The following AGO4 variants were observed in gnomAD, a reference collection of about 807,000 sequenced individuals.
AGO4 encodes the protein protein argonaute-4.
Under a neutral mutation model 104.7 loss-of-function variants are expected in AGO4, and 33 were observed. The ratio of observed to expected loss-of-function variants is 0.32; its 90% CI spans 0.24 to 0.42. The LOEUF (loss-of-function observed/expected upper bound fraction) is 0.42, where lower values mean the gene tolerates loss of function less well. Ranked by LOEUF, AGO4 falls within the 10% of genes least tolerant of loss-of-function variation. The pLI is 1.00. For synonymous variants in AGO4, 331 were observed against 364.7 expected (o/e 0.91, Z 1.05); for missense variants, 711 against 1,083.4 (o/e 0.66, Z 4.83).
In AGO4 at chr1:35,854,344, A is replaced by G. The variant is rs1047270620; in HGVS notation, c.*739A>G. 2 of 152,670 alleles carry G rather than the reference A, an allele frequency of 1.3e-5. No homozygotes were observed. Among genetic ancestry groups the G allele is most frequent in the Non-Finnish European group, 2.9e-5 (2 of 68,044 alleles). The allele number at this position is 152,670 out of a possible 1,614,324, so 9.5% of individuals were successfully genotyped here. On this transcript the variant is annotated 3_prime_UTR_variant, in exon 18 of 18. Coordinates refer to ENST00000373210, the MANE Select transcript of AGO4 (RefSeq NM_017629.4). ...CAGTGACGGAGATAACACTGCCATG[A>G]TAAAAGTACTCATGTTTCCCCTATT...
chr1:35,837,527 A>G (rs1644342673), intron 13 of AGO4, among the ~76,000 whole-genome samples: 1 of 151,776 alleles, frequency 6.6e-6, no homozygotes, highest in African/African-American at 2.4e-5. Context: ...CTACAGGCTC[A>G]TACCACCATG....
At position 35,853,718 on chromosome 1, in the gene AGO4, C is replaced by A; in HGVS notation, c.*113C>A. On this transcript the variant is annotated 3_prime_UTR_variant, in exon 18 of 18. Coordinates refer to ENST00000373210, the MANE Select transcript of AGO4 (RefSeq NM_017629.4). ...TTGACTTCAGGTGGTCTTCTACCAG[C>A]AGCTCGGAATAGTTGCACTGAATCT... 1.2e-6 allele frequency: 1 copy of A among 809,796 alleles called. No homozygotes were observed. The highest frequency in any genetic ancestry group is 2.0e-6 in the Non-Finnish European group (1 of 495,330). The allele number at this position is 809,796 out of a possible 1,614,324, so 50.2% of individuals were successfully genotyped here. A position where few individuals can be genotyped will look rare whatever the true frequency, so the allele number is the denominator to read the frequency against.
At position 35,821,378 on chromosome 1, in the gene AGO4, A is replaced by T. The variant is rs1000633886; in HGVS notation, c.186-1484A>T. On this transcript the variant is annotated intron_variant, in intron 2 of 17. Transcript: ENST00000373210. ...AATATAAATGTGTTAGCTAGTTGTG[A>T]TGTATTTTGGCTTTTAAGATATTGT... 2.0e-5 allele frequency among the ~76,000 whole-genome samples: 3 copies of T among 152,140 alleles called. No individual in the cohort carries two copies. In the East Asian group the frequency reaches 5.8e-4, roughly 29 times the overall value.
intron 2 of AGO4, among the ~76,000 whole-genome samples, chr1:35,820,380 T>A (rs1157340046): frequency 6.6e-6 from 1 of 152,042 alleles, no homozygotes; most frequent in Non-Finnish European, 1.5e-5. Flanking sequence ...TTTTTTAAGA[T>A]GGAGTCTCAC....
intron 1 of AGO4, 32 bp from the exon 2 acceptor site, chr1:35,816,850 A>G (rs779222166): frequency 3.6e-5 from 55 of 1,511,652 alleles, no homozygotes; most frequent in South Asian, 1.3e-5. Context: ...GAAAAAAAAA[A>G]TAGCACAGCA....
chr1:35,829,663 C>A (rs576194455), intron 7 of AGO4, among the ~76,000 whole-genome samples: 1 of 151,410 alleles, frequency 6.6e-6, no homozygotes, highest in African/African-American at 2.4e-5. Flanking sequence ...ATGGTGAAAC[C>A]CTGTCTCTAC....
chr1:35,809,416 T>C (rs1281883554), intron 1 of AGO4, among the ~76,000 whole-genome samples: 2 of 152,204 alleles, frequency 1.3e-5, no homozygotes, highest in Non-Finnish European at 2.9e-5. Flanking sequence ...GAGTGTTTCA[T>C]CTTTTTAGTG....
At chr1:35,853,177 G>A (rs1327576056) in intron 17 of AGO4, among the ~76,000 whole-genome samples, 2 of 151,408 alleles carry the variant, frequency 1.3e-5, no homozygotes, top group African/African-American at 2.4e-5. Context: ...TGTAAACCCG[G>A]GAGGCAGAGC....
At chr1:35,815,562 A>G (rs1643664636) in intron 1 of AGO4, among the ~76,000 whole-genome samples, 1 of 152,174 alleles carries the variant, frequency 6.6e-6, no homozygotes, top group African/African-American at 2.4e-5. Flanking sequence ...TAATATGATA[A>G]TATGCATTGA....
chr1:35,820,424 C>T (rs1039627692), intron 2 of AGO4, among the ~76,000 whole-genome samples: 33 of 152,192 alleles, frequency 2.2e-4, no homozygotes, highest in African/African-American at 7.5e-4. Context: ...GTGGTGCGAT[C>T]TTGGCTCACT....
Position 35,853,633 on chromosome 1 carries a change from T to C in AGO4, c.*28T>C, listed in dbSNP as rs1328255061. On this transcript the variant is annotated 3_prime_UTR_variant, in exon 18 of 18. Coordinates refer to ENST00000373210, the MANE Select transcript of AGO4 (RefSeq NM_017629.4). ...GTCTCAGAAAAAGAACTCAACCAAT[T>C]TGGCACCCCATGCAGCCTCAAAATG... 2.5e-6 allele frequency: 4 copies of C among 1,602,924 alleles called. No individual in the cohort carries two copies. In the Admixed American group the frequency reaches 6.7e-5, roughly 27 times the overall value.
chr1:35,816,805 AAAAAAAAAAAAAAAAAG>A lies in AGO4; in HGVS notation c.20-73_20-57del, dbSNP rs1176629997. 4.0e-5 allele frequency: 51 copies of A among 1,262,248 alleles called. No homozygotes were observed. The East Asian group carries it at 9.1e-4, about 23-fold the overall frequency. 78.2% of individuals were successfully genotyped at this position (1,262,248 alleles called of 1,614,324 possible). On this transcript the variant is annotated intron_variant, in intron 1 of 17. Transcript: ENST00000373210. The stretch of plus-strand genomic sequence containing the variant: ...AAGAGCGAAACTCTGTCTCAAAAAA[AAAAAAAAAAAAAAAAAG>A]AAAGAAAGAAAGAAAAAGAAAAAAA...
chr1:35,847,591 G>A (rs897662409), intron 15 of AGO4, among the ~76,000 whole-genome samples: 8 of 152,134 alleles, frequency 5.3e-5, no homozygotes, highest in Non-Finnish European at 1.0e-4. Context: ...CTGCATGTTG[G>A]ACAAGCTTGC....
intron 5 of AGO4, 41 bp downstream of exon 5, chr1:35,825,856 GT>G (rs1360870829): frequency 6.3e-7 from 1 of 1,595,764 alleles, no homozygotes; most frequent in Admixed American, 1.8e-5. Flanking sequence ...CTTTGGGCTG[GT>G]TTTTGTTTGT....
chr1:35,828,881 G>T lies in AGO4; in HGVS notation c.848+2046G>T, dbSNP rs567917838. Among the ~76,000 whole-genome samples, 168 of 152,246 alleles carry T rather than the reference G, an allele frequency of 1.1e-3. 1 individual carries two copies. Among genetic ancestry groups the T allele is most frequent in the African/African-American group, 3.5e-3 (144 of 41,552 alleles). On this transcript the variant is annotated intron_variant, in intron 7 of 17. Transcript: ENST00000373210. The stretch of plus-strand genomic sequence containing the variant: ...CCTCAGTGAGACACTATATGTGAAA[G>T]TGCTTTAAAAATTATATCTGTATCT...
At chr1:35,839,349 G>T (rs902713694) in intron 13 of AGO4, among the ~76,000 whole-genome samples, 7 of 152,140 alleles carry the variant, frequency 4.6e-5, no homozygotes, top group Non-Finnish European at 8.8e-5. Flanking sequence ...CCTAAAGTCT[G>T]TCTTCATTTA....
At chr1:35,831,369 A>G (rs550670514) in intron 7 of AGO4, 58 bp from the exon 8 acceptor site, 2 of 1,540,214 alleles carry the variant, frequency 1.3e-6, no homozygotes, top group Non-Finnish European at 1.7e-6. Flanking sequence ...AGAAAAAAGA[A>G]AAAGAAGAAA....
intron 17 of AGO4, among the ~76,000 whole-genome samples, chr1:35,852,093 C>G (rs1437867962): frequency 6.6e-6 from 1 of 152,122 alleles, no homozygotes; most frequent in African/African-American, 2.4e-5. Flanking sequence ...GGGGAAAAAG[C>G]AAGTGGCATG....
intron 13 of AGO4, 93 bp downstream of exon 13, chr1:35,836,086 A>G (rs1178155044): frequency 2.2e-6 from 3 of 1,357,870 alleles, no homozygotes; most frequent in Non-Finnish European, 3.0e-6. Flanking sequence ...CATCTAGATT[A>G]CCTTTTCTCT....
Sources: allele counts gnomAD v4.1 joint callset (sites outside exome capture counted in the v4.1 genomes callset), GRCh38; gene constraint gnomAD v4.1.1; transcripts MANE v1.5; gene names NCBI Gene and HGNC (gene_info 2026-07-23, HGNC 2026-07-21).